RAD52: variants seen among roughly 807,000 people sequenced by gnomAD.
RAD52 encodes the protein RAD52 DNA repair protein, also known as DNA repair protein RAD52 homolog.
In RAD52, 47 loss-of-function variants were observed where a neutral mutation model predicts 55.5. The ratio of observed to expected loss-of-function variants is 0.85; its 90% CI spans 0.67 to 1.08. The LOEUF (loss-of-function observed/expected upper bound fraction) is 1.08, where lower values mean the gene tolerates loss of function less well. RAD52 is among the 50% of genes least tolerant of loss of function. The pLI is 0.00. For missense variants in RAD52, 468 were observed against 522.8 expected (o/e 0.90, Z 1.02); for synonymous variants, 184 against 198.9 (o/e 0.92, Z 0.63).
intron 1 of RAD52, chr12:976,389 G>A (rs1362277340): frequency 6.6e-6 from 1 of 152,210 alleles, no homozygotes; most frequent in Non-Finnish European, 1.5e-5. Context: ...CCTCTTGGAA[G>A]GCTCTGTGAC....
chr12:934,805 A>C (rs1208115664), intron 1 of RAD52, among the ~76,000 whole-genome samples: 4 of 152,072 alleles, frequency 2.6e-5, no homozygotes, highest in African/African-American at 9.7e-5. Context: ...AAATCAAGTG[A>C]ATCTGTTTTA....
intron 1 of RAD52, among the ~76,000 whole-genome samples, chr12:943,779 G>GT (rs929722576): frequency 3.3e-4 from 46 of 137,758 alleles, no homozygotes; most frequent in South Asian, 1.5e-3. Flanking sequence ...TGTGTGTGTG[G>GT]TTTTTTTTTT....
upstream of RAD52, among the ~76,000 whole-genome samples, chr12:954,466 T>A (rs1244669735): frequency 6.6e-6 from 1 of 152,142 alleles, no homozygotes; most frequent in East Asian, 1.9e-4. Flanking sequence ...ACCCTGTCTC[T>A]ACAAAAAATA....
intron 1 of RAD52, among the ~76,000 whole-genome samples, chr12:938,247 G>C (rs968662076): frequency 6.6e-6 from 1 of 152,280 alleles, no homozygotes; most frequent in African/African-American, 2.4e-5. Context: ...TCCCATCATT[G>C]AGGTAGTATT....
chr12:922,232 A>T (rs975192300), intron 7 of RAD52, among the ~76,000 whole-genome samples: 14 of 151,650 alleles, frequency 9.2e-5, no homozygotes, highest in African/African-American at 3.4e-4. Flanking sequence ...TCAGAAAATA[A>T]CAAGTGCTGG....
chr12:987,568 T>C (rs1365976731), intron 1 of RAD52, among the ~76,000 whole-genome samples: 1 of 151,522 alleles, frequency 6.6e-6, no homozygotes, highest in Non-Finnish European at 1.5e-5. Context: ...TTTCTTTTTT[T>C]TTTTTTTCCT....
In RAD52 at chr12:915,740, C is replaced by G. The variant is rs1592311241; in HGVS notation, c.865+604G>C. On this transcript the variant is annotated intron_variant, in intron 9 of 11. Transcript: ENST00000358495. The stretch of plus-strand genomic sequence containing the variant: ...TTTTTGTTTTGTTTTTGTTTTGAGA[C>G]AGGGTCTCACTCTGTTGCCCAGGCT... 2.0e-5 allele frequency among the ~76,000 whole-genome samples: 3 copies of G among 151,288 alleles called. No homozygotes were observed. The East Asian group carries it at 5.9e-4, about 30-fold the overall frequency.
In RAD52 at chr12:916,498, G is replaced by A. The variant is rs374355810; in HGVS notation, c.726-15C>T. The A allele has an allele frequency of 3.7e-6, 6 of 1,606,478 alleles. No homozygotes were observed. The highest frequency in any genetic ancestry group is 3.3e-5 in the South Asian group (3 of 90,882). On this transcript the variant is annotated splice_polypyrimidine_tract_variant and intron_variant, in intron 8 of 11. Transcript: ENST00000358495. ...AGCTCAGGCTTCTGCATGAGAGGGCGGCGGCGAGGACGGGCTCCTGAGCAA... is the reference window on the plus strand; with the variant it reads ...AGCTCAGGCTTCTGCATGAGAGGGCAGCGGCGAGGACGGGCTCCTGAGCAA...
chr12:947,074 C>T (rs541465008), intron 1 of RAD52, among the ~76,000 whole-genome samples: 25 of 152,214 alleles, frequency 1.6e-4, no homozygotes, highest in Admixed American at 7.9e-4. Context: ...CGCCTGTAAT[C>T]CCAACACTTT....
At position 911,847 on chromosome 12, in the gene RAD52, C is replaced by CCGT. The variant is rs1956105235; in HGVS notation, c.*1541_*1543dup. On this transcript the variant is annotated 3_prime_UTR_variant, in exon 12 of 12. Coordinates refer to ENST00000358495, the MANE Select transcript of RAD52 (RefSeq NM_134424.4). ...CCAGCCTGGCCAACATGGAGAAACC[C>CCGT]CGTCTCCTCTACTAAAAATACAAAA... 6.6e-6 allele frequency among the ~76,000 whole-genome samples: 1 copy of CCGT among 150,926 alleles called. No individual in the cohort carries two copies. Among genetic ancestry groups the CCGT allele is most frequent in the African/African-American group, 2.4e-5 (1 of 41,054 alleles).
intron 1 of RAD52, among the ~76,000 whole-genome samples, chr12:972,126 C>T (rs1233719525): frequency 6.6e-6 from 1 of 152,066 alleles, no homozygotes; most frequent in Non-Finnish European, 1.5e-5. Flanking sequence ...TGCAATATTG[C>T]TTGTTTATGT....
chr12:922,932 G>A (rs1016941852), intron 7 of RAD52, among the ~76,000 whole-genome samples: 8 of 152,038 alleles, frequency 5.3e-5, no homozygotes, highest in Non-Finnish European at 8.8e-5. Context: ...CCAGGTTCAA[G>A]CGATTCTCAT....
rs917241318 is a variant in RAD52, at chr12:949,649, T to A, written c.-66A>T. On this transcript the variant is annotated 5_prime_UTR_variant, in exon 1 of 12. Coordinates refer to ENST00000358495, the MANE Select transcript of RAD52 (RefSeq NM_134424.4). ...CACACAGGGAGCTCGATCTAGGCTA[T>A]GGACAAGGGGAAGAGATCTTAGATG... 1 of 151,988 alleles carries A rather than the reference T, an allele frequency of 6.6e-6. No individual in the cohort carries two copies. Among genetic ancestry groups the A allele is most frequent in the East Asian group, 1.9e-4 (1 of 5,156 alleles). 9.4% of individuals were successfully genotyped at this position (151,988 alleles called of 1,614,324 possible). A position where few individuals can be genotyped will look rare whatever the true frequency, so the allele number is the denominator to read the frequency against.
rs1345387722 is a variant in RAD52, at chr12:914,522, C to T, written c.876G>A (p.Pro292=). ...PSAEKSEAAP[P]APPVTHSTPV... ...GAGTGCTGTGCGTCACAGGAGGGGC[C>T]GGAGGCGCTGCTACGGTTCACAGAG... Residue 292 remains proline (P), a synonymous_variant, in exon 10 of 12, where the codon CCG becomes CCA. Coordinates refer to ENST00000358495, the MANE Select transcript of RAD52 (RefSeq NM_134424.4). The T allele has an allele frequency of 6.8e-6, 11 of 1,613,426 alleles. No homozygotes were observed. The highest frequency in any genetic ancestry group is 9.3e-6 in the Non-Finnish European group (11 of 1,179,886).
At chr12:926,995 G>C (rs1957071507) in intron 6 of RAD52, 150 bp downstream of exon 6, 10 of 1,568,154 alleles carry the variant, frequency 6.4e-6, no homozygotes, top group Non-Finnish European at 8.7e-6. Context: ...GAAAACGGCA[G>C]ACAGGAACCA....
intron 1 of RAD52, among the ~76,000 whole-genome samples, chr12:933,821 T>C (rs1441668415): frequency 1.3e-5 from 2 of 152,124 alleles, no homozygotes; most frequent in Non-Finnish European, 2.9e-5. Flanking sequence ...TGATGTGTTA[T>C]AGTCAAAACA....
intron 11 of RAD52, among the ~76,000 whole-genome samples, 181 bp downstream of exon 11, chr12:913,713 C>G (rs965126455): frequency 2.0e-5 from 3 of 152,116 alleles, no homozygotes; most frequent in Non-Finnish European, 4.4e-5. Context: ...CACCTGAAGT[C>G]AGGAGCCCAA....
intron 6 of RAD52, chr12:926,835 G>C (rs1472422197): frequency 1.9e-5 from 29 of 1,536,776 alleles, no homozygotes; most frequent in Non-Finnish European, 2.5e-5. Flanking sequence ...ACGGAGAGGA[G>C]GGTGCTGTCT....
chr12:967,108 G>A (rs188622610), intron 1 of RAD52, among the ~76,000 whole-genome samples: 22 of 152,166 alleles, frequency 1.4e-4, no homozygotes, highest in African/African-American at 4.8e-4. Context: ...TCTGGACACA[G>A]TGGCTCATGC....
Sources: gnomAD v4.1 joint callset for allele counts (sites outside exome capture counted in the v4.1 genomes callset) on GRCh38, gnomAD v4.1.1 for gene constraint, MANE v1.5 for transcripts, NCBI Gene and HGNC (gene_info 2026-07-23, HGNC 2026-07-21) for gene names.